Variants in MICU2 observed in about 807,000 individuals in gnomAD.
The protein encoded by MICU2 is calcium uptake protein 2, mitochondrial.
A neutral mutation model predicts 60.4 loss-of-function variants in MICU2; 64 were observed. The ratio of observed to expected loss-of-function variants is 1.06; its 90% CI spans 0.87 to 1.31. The LOEUF (loss-of-function observed/expected upper bound fraction) is 1.31. MICU2 is among the 50% of genes most tolerant of loss of function. The pLI, the probability that MICU2 is intolerant of heterozygous loss-of-function variation, is 0.00. For synonymous variants in MICU2, 201 were observed against 175.0 expected (o/e 1.15, Z -1.17); for missense variants, 569 against 531.0 (o/e 1.07, Z -0.70).
intron 8 of MICU2, among the ~76,000 whole-genome samples, chr13:21,503,627 T>A (rs1376589269): frequency 6.6e-6 from 1 of 152,206 alleles, no homozygotes; most frequent in Non-Finnish European, 1.5e-5. Context: ...CAATAATACA[T>A]GTCGATATGA....
At chr13:21,587,711 A>G (rs1435861845) in intron 1 of MICU2, among the ~76,000 whole-genome samples, 1 of 152,230 alleles carries the variant, frequency 6.6e-6, no homozygotes, top group Non-Finnish European at 1.5e-5. Context: ...CATTCATTCA[A>G]CCACTCACTC....
At chr13:21,553,587 T>C (rs1324172722) in intron 2 of MICU2, among the ~76,000 whole-genome samples, 2 of 152,018 alleles carry the variant, frequency 1.3e-5, no homozygotes, top group South Asian at 2.1e-4. Flanking sequence ...ACATGCCAAA[T>C]TGTAAAGACC....
intron 3 of MICU2, 78 bp from the exon 4 acceptor site, chr13:21,539,455 T>C (rs941660599): frequency 7.9e-6 from 11 of 1,397,780 alleles, no homozygotes; most frequent in Admixed American, 4.1e-5. Flanking sequence ...CCCACCTCCA[T>C]AGCCGGCTAA....
intron 4 of MICU2, among the ~76,000 whole-genome samples, chr13:21,528,117 ATATAG>A (rs1480772384): frequency 6.6e-6 from 1 of 152,174 alleles, no homozygotes; most frequent in African/African-American, 2.4e-5. Flanking sequence ...AAAAATATAT[ATATAG>A]TAAACTACAA....
chr13:21,501,947 C>T (rs1012822475), intron 9 of MICU2, among the ~76,000 whole-genome samples: 1 of 152,192 alleles, frequency 6.6e-6, no homozygotes, highest in East Asian at 1.9e-4. Context: ...GAGCAAGAAA[C>T]TCAGTGTCAG....
At chr13:21,558,794 T>G (rs111563174) in intron 2 of MICU2, among the ~76,000 whole-genome samples, 2 of 152,188 alleles carry the variant, frequency 1.3e-5, no homozygotes, top group African/African-American at 4.8e-5. Context: ...AGGCCCAAGG[T>G]AGAGCCTCCA....
rs201526749 is a variant in MICU2, at chr13:21,603,921, A to G, written c.210+18T>C. On this transcript the variant is annotated intron_variant, in intron 1 of 11. Transcript: ENST00000382374. Reference sequence around the variant, plus strand: ...GGAGGAGCTTGACTGGGGCTAGCAGAAGGAGTTAGTCCTGTACCTGTGCGG... The same window carrying G: ...GGAGGAGCTTGACTGGGGCTAGCAGGAGGAGTTAGTCCTGTACCTGTGCGG... 1.1e-4 allele frequency: 182 copies of G among 1,596,248 alleles called. 1 individual carries two copies. The Admixed American group carries it at 1.7e-3, about 15-fold the overall frequency.
intron 1 of MICU2, among the ~76,000 whole-genome samples, chr13:21,570,573 TAA>T (rs1371944522): frequency 2.0e-5 from 3 of 152,220 alleles, no homozygotes; most frequent in Non-Finnish European, 2.9e-5. Context: ...TGCACTGTAA[TAA>T]AAGTCTGTTT....
intron 1 of MICU2, among the ~76,000 whole-genome samples, chr13:21,568,873 C>T (rs919674274): frequency 1.3e-5 from 2 of 151,700 alleles, no homozygotes; most frequent in Non-Finnish European, 2.9e-5. Flanking sequence ...AGGTTTAGAC[C>T]CCACAAACTC....
chr13:21,498,131 G>A (rs1459442022), intron 9 of MICU2, among the ~76,000 whole-genome samples: 1 of 152,046 alleles, frequency 6.6e-6, no homozygotes, highest in African/African-American at 2.4e-5. Context: ...TGAGGATCAT[G>A]CCCTCTGTAA....
intron 4 of MICU2, among the ~76,000 whole-genome samples, chr13:21,525,710 A>G (rs895251018): frequency 6.6e-6 from 1 of 151,520 alleles, no homozygotes; most frequent in South Asian, 2.1e-4. Flanking sequence ...TTTCATGTGT[A>G]TATCTTATTT....
At chr13:21,583,967 A>G (rs977567746) in intron 1 of MICU2, among the ~76,000 whole-genome samples, 3 of 152,254 alleles carry the variant, frequency 2.0e-5, no homozygotes, top group Non-Finnish European at 4.4e-5. Flanking sequence ...CTAGTGAATA[A>G]GAAAAATGAC....
intron 4 of MICU2, chr13:21,530,570 A>G: frequency 4.9e-6 from 1 of 202,048 alleles, no homozygotes; most frequent in African/African-American, 2.3e-5. Flanking sequence ...AAAACTATCT[A>G]ATGAGGAAAA....
chr13:21,506,050 G>T (rs1886285150), intron 8 of MICU2, among the ~76,000 whole-genome samples: 2 of 150,378 alleles, frequency 1.3e-5, no homozygotes, highest in Non-Finnish European at 3.0e-5. Flanking sequence ...TTGAAGACAG[G>T]GTCTCACTCT....
chr13:21,549,947 G>A (rs1437740233), intron 2 of MICU2, among the ~76,000 whole-genome samples: 1 of 152,156 alleles, frequency 6.6e-6, no homozygotes, highest in African/African-American at 2.4e-5. Context: ...GCTCGTGGAT[G>A]TATGAAAAAA....
chr13:21,556,277 ATTACTCCTTCCTTGAAATGC>A (rs749405887), intron 2 of MICU2, among the ~76,000 whole-genome samples: 9 of 152,134 alleles, frequency 5.9e-5, no homozygotes, highest in Non-Finnish European at 1.0e-4. Context: ...TTCATAGTTG[ATTACTCCTTCCTTGAAATGC>A]TTTCTTTACT....
intron 7 of MICU2, among the ~76,000 whole-genome samples, chr13:21,511,730 T>C (rs921417097): frequency 1.3e-5 from 2 of 152,120 alleles, no homozygotes; most frequent in African/African-American, 4.8e-5. Context: ...CAACAATTAA[T>C]GAATTCTCCA....
chr13:21,510,373 AG>A (rs1480006184), intron 7 of MICU2, among the ~76,000 whole-genome samples: 1 of 152,230 alleles, frequency 6.6e-6, no homozygotes, highest in African/African-American at 2.4e-5. Flanking sequence ...CAGGCCAAAA[AG>A]GAAGTTTAGA....
intron 6 of MICU2, among the ~76,000 whole-genome samples, chr13:21,515,105 G>A (rs1212872): frequency 0.2 from 28,874 of 147,108 alleles, 4,208 homozygotes; most frequent in African/African-American, 0.4. Flanking sequence ...TTTTTGAGAC[G>A]GAGTCTCGCT....
Sources: allele counts gnomAD v4.1 joint callset (sites outside exome capture counted in the v4.1 genomes callset), GRCh38; gene constraint gnomAD v4.1.1; transcripts MANE v1.5; gene names NCBI Gene and HGNC (gene_info 2026-07-23, HGNC 2026-07-21).